The following PRKN variants were observed in gnomAD, a reference collection of about 807,000 sequenced individuals.
The protein encoded by PRKN is E3 ubiquitin-protein ligase parkin.
Under a neutral mutation model 59.5 loss-of-function variants are expected in PRKN, and 56 were observed. The observed-to-expected ratio is 0.94, with a 90% confidence interval of 0.76 to 1.18. The LOEUF is 1.18. Ranked by LOEUF, PRKN falls within the 50% of genes most tolerant of loss-of-function variation. PRKN has a pLI of 0.00. For missense variants in PRKN, 657 were observed against 596.4 expected (o/e 1.10, Z -1.06); for synonymous variants, 250 against 222.1 (o/e 1.13, Z -1.12).
At chr6:161,635,861 A>G (rs1369026498) in intron 7 of PRKN, among the ~76,000 whole-genome samples, 1 of 152,190 alleles carries the variant, frequency 6.6e-6, no homozygotes, top group East Asian at 1.9e-4. Context: ...GCTCTAATTA[A>G]AAATAAAGTA....
chr6:162,436,300 A>C (rs906623707), intron 2 of PRKN, among the ~76,000 whole-genome samples: 2 of 151,684 alleles, frequency 1.3e-5, no homozygotes, highest in Admixed American at 1.3e-4. Context: ...TAAATATGTT[A>C]CTAATGTTTA....
chr6:162,437,051 C>T (rs1789806726), intron 2 of PRKN, among the ~76,000 whole-genome samples: 1 of 151,440 alleles, frequency 6.6e-6, no homozygotes. Context: ...GGGATTGTGC[C>T]ATTGCACTCC....
At chr6:162,143,430 G>A (rs1781872859) in intron 4 of PRKN, among the ~76,000 whole-genome samples, 1 of 151,948 alleles carries the variant, frequency 6.6e-6, no homozygotes, top group Admixed American at 6.6e-5. Flanking sequence ...GCACTATAAG[G>A]GCAATGAGGC....
chr6:162,666,883 C>A (rs909813803), intron 1 of PRKN, among the ~76,000 whole-genome samples: 2 of 151,998 alleles, frequency 1.3e-5, no homozygotes, highest in Non-Finnish European at 2.9e-5. Context: ...TTGACTAATT[C>A]TTGTTTCCAT....
intron 2 of PRKN, among the ~76,000 whole-genome samples, chr6:162,271,929 T>C (rs977631796): frequency 6.6e-6 from 1 of 152,256 alleles, no homozygotes; most frequent in African/African-American, 2.4e-5. Context: ...TGTGTAAAGA[T>C]ACTGAAAGGC....
Position 162,639,480 on chromosome 6 carries a change from A to G in PRKN, c.7+88182T>C, listed in dbSNP as rs1278147449. ...TTATGGTAAGATCACCTGGTTAGAT[A>G]TATTAATAAAATGGGATAATGTCCA... On this transcript the variant is annotated intron_variant, in intron 1 of 11. Transcript: ENST00000366898. 9.9e-5 allele frequency among the ~76,000 whole-genome samples: 15 copies of G among 152,200 alleles called. 1 individual carries two copies. The highest frequency in any genetic ancestry group is 2.2e-4 in the Non-Finnish European group (15 of 68,034).
At chr6:161,387,003 C>CT (rs1256937238) in intron 9 of PRKN, 126 bp from the exon 10 acceptor site, 4 of 791,022 alleles carry the variant, frequency 5.1e-6, no homozygotes, top group Non-Finnish European at 8.8e-6. Context: ...TATAAAAATA[C>CT]TTTTTTTGCA....
intron 4 of PRKN, among the ~76,000 whole-genome samples, chr6:162,194,581 C>T (rs1784418938): frequency 3.9e-5 from 6 of 152,028 alleles, no homozygotes. Context: ...AAGGAGACCC[C>T]TTTACATATA....
intron 6 of PRKN, among the ~76,000 whole-genome samples, chr6:161,954,191 T>A (rs1205371960): frequency 6.6e-6 from 1 of 152,190 alleles, no homozygotes; most frequent in African/African-American, 2.4e-5. Flanking sequence ...GTAGCTTCTA[T>A]AATACATCGA....
chr6:161,745,291 G>A (rs1788368380), intron 7 of PRKN, among the ~76,000 whole-genome samples: 1 of 152,156 alleles, frequency 6.6e-6, no homozygotes, highest in Non-Finnish European at 1.5e-5. Context: ...TGAAGTCAGG[G>A]CAGGCTTCCT....
Position 162,056,903 on chromosome 6 carries a change from T to C in PRKN, c.535-2729A>G, listed in dbSNP as rs79715216. On this transcript the variant is annotated intron_variant, in intron 4 of 11. Coordinates refer to ENST00000366898, the MANE Select transcript of PRKN (RefSeq NM_004562.3). The surrounding 1 kb of genome is among the most constrained non-coding windows in gnomAD (Gnocchi z 4.9). ...AACTGAGTGCCTCTCGAGTGACCAC[T>C]GGGGGAGGACTCAGAGCCTTGCCTG... 0.078 allele frequency among the ~76,000 whole-genome samples: 11,918 copies of C among 152,206 alleles called. 683 individuals carry two copies. Among genetic ancestry groups the C allele is most frequent in the South Asian group, 0.18 (868 of 4,816 alleles).
chr6:162,670,546 T>C (rs983804681), intron 1 of PRKN, among the ~76,000 whole-genome samples: 44 of 152,296 alleles, frequency 2.9e-4, no homozygotes, highest in Admixed American at 5.2e-4. Context: ...GCGCTACTGA[T>C]TGTATTGGCT....
intron 6 of PRKN, among the ~76,000 whole-genome samples, chr6:161,902,556 A>ATCTAT (rs1382089937): frequency 1.1e-4 from 13 of 118,202 alleles, no homozygotes; most frequent in African/African-American, 3.5e-4. Flanking sequence ...CTATTTATTT[A>ATCTAT]TTTATTTATT....
intron 6 of PRKN, among the ~76,000 whole-genome samples, chr6:161,857,503 T>C (rs1485946797): frequency 1.3e-5 from 2 of 152,200 alleles, no homozygotes; most frequent in African/African-American, 4.8e-5. Flanking sequence ...TCTGACTACT[T>C]ATTTCAAATC....
chr6:161,514,891 T>A (rs1315228444), intron 9 of PRKN, among the ~76,000 whole-genome samples: 3 of 151,892 alleles, frequency 2.0e-5, no homozygotes, highest in Admixed American at 6.6e-5. Context: ...TACTACGGAG[T>A]CCTCTGGGTT....
At position 161,525,838 on chromosome 6, in the gene PRKN, TA is replaced by T. The variant is rs1778998466; in HGVS notation, c.1083+23015del. On this transcript the variant is annotated intron_variant, in intron 9 of 11. Transcript: ENST00000366898. The surrounding 1 kb of genome is among the most constrained non-coding windows in gnomAD (Gnocchi z 4.7). ...GCTATAGAATAGCCTACAGATATAA[TA>T]AAAAATAATTATTTAAAGTAATTTT... Among the ~76,000 whole-genome samples, 1 of 152,120 alleles carries T rather than the reference TA, an allele frequency of 6.6e-6. No homozygotes were observed. Among genetic ancestry groups the T allele is most frequent in the South Asian group, 2.1e-4 (1 of 4,828 alleles).
intron 6 of PRKN, among the ~76,000 whole-genome samples, chr6:161,813,652 C>A (rs576108247): frequency 6.6e-6 from 1 of 152,186 alleles, no homozygotes; most frequent in East Asian, 1.9e-4. Context: ...GAAAGTTGGG[C>A]CCTTGGGGCT....
At chr6:161,573,458 C>T (rs891661262) in intron 7 of PRKN, among the ~76,000 whole-genome samples, 10 of 151,722 alleles carry the variant, frequency 6.6e-5, no homozygotes, top group African/African-American at 1.7e-4. Flanking sequence ...CGGTGGTTCA[C>T]GCCTGTAATC....
intron 2 of PRKN, among the ~76,000 whole-genome samples, chr6:162,338,409 C>G (rs999461652): frequency 2.0e-5 from 3 of 151,962 alleles, no homozygotes; most frequent in Non-Finnish European, 4.4e-5. Context: ...ACTGCAGGCA[C>G]GCGCCGCCAT....
Sources: gnomAD v4.1 joint callset for allele counts (sites outside exome capture counted in the v4.1 genomes callset) on GRCh38, gnomAD v4.1.1 for gene constraint, Gnocchi (gnomAD v3.1) non-coding constraint, MANE v1.5 for transcripts, NCBI Gene and HGNC (gene_info 2026-07-23, HGNC 2026-07-21) for gene names.